DLGAP2: variants seen among roughly 807,000 people sequenced by gnomAD.
DLGAP2 encodes disks large-associated protein 2.
A neutral mutation model predicts 100.3 loss-of-function variants in DLGAP2; 26 were observed. That is an observed-to-expected ratio of 0.26 (90% confidence interval 0.19 to 0.36). DLGAP2 has a LOEUF of 0.36. DLGAP2 is among the 10% of genes least tolerant of loss of function. DLGAP2 has a pLI of 1.00. For missense variants in DLGAP2, 1,858 were observed against 1,453.2 expected (o/e 1.28, Z -4.53); for synonymous variants, 886 against 630.1 (o/e 1.41, Z -6.08).
At chr8:1,533,495 G>T (rs1801055177) in intron 4 of DLGAP2, among the ~76,000 whole-genome samples, 1 of 151,196 alleles carries the variant, frequency 6.6e-6, no homozygotes, top group African/African-American at 2.4e-5. Flanking sequence ...GAAAGAGTGA[G>T]ACTCTGTCTC....
chr8:1,054,453 C>T lies in DLGAP2; in HGVS notation c.73+146487C>T, dbSNP rs138392582. ...ACCAGTTACACTTCGGCTTTGTAGA[C>T]GTCTATCATTGTCAACATAAGTTTT... On this transcript the variant is annotated intron_variant, in intron 2 of 14. Coordinates refer to ENST00000637795, the MANE Select transcript of DLGAP2 (RefSeq NM_001346810.2). Among the ~76,000 whole-genome samples the T allele has an allele frequency of 7.0e-3, 1,069 of 152,264 alleles. 9 individuals carry two copies. The highest frequency in any genetic ancestry group is 0.024 in the African/African-American group (1,011 of 41,532).
chr8:1,004,795 C>T (rs1465845767), intron 2 of DLGAP2, among the ~76,000 whole-genome samples: 1 of 152,144 alleles, frequency 6.6e-6, no homozygotes, highest in Non-Finnish European at 1.5e-5. Flanking sequence ...TGGAGAGACC[C>T]CCGTGGCCCA....
chr8:1,328,359 C>T (rs1167639180), intron 3 of DLGAP2, among the ~76,000 whole-genome samples: 1 of 151,858 alleles, frequency 6.6e-6, no homozygotes, highest in African/African-American at 2.4e-5. Flanking sequence ...CACTGTGTCG[C>T]CCAGGCTGGA....
chr8:1,435,833 G>A (rs760336193), intron 3 of DLGAP2, among the ~76,000 whole-genome samples: 1 of 151,822 alleles, frequency 6.6e-6, no homozygotes, highest in African/African-American at 2.4e-5. Flanking sequence ...CGCAGGTAGA[G>A]GCTGATGTGT....
intron 3 of DLGAP2, among the ~76,000 whole-genome samples, chr8:1,385,855 C>G (rs1185381461): frequency 6.6e-6 from 1 of 152,108 alleles, no homozygotes; most frequent in Non-Finnish European, 1.5e-5. Flanking sequence ...CCCCTGAGAA[C>G]TTGGTGCACA....
In DLGAP2 at chr8:954,117, GCTCC is replaced by G. The variant is rs113829925; in HGVS notation, c.73+46153_73+46156del. Among the ~76,000 whole-genome samples, 188 of 152,120 alleles carry G rather than the reference GCTCC, an allele frequency of 1.2e-3. 2 individuals carry two copies. Among genetic ancestry groups the G allele is most frequent in the African/African-American group, 4.2e-3 (175 of 41,486 alleles). On this transcript the variant is annotated intron_variant, in intron 2 of 14. Coordinates refer to ENST00000637795, the MANE Select transcript of DLGAP2 (RefSeq NM_001346810.2). ...TTGAACCCCTGAAAGAGTGTCAGTG[GCTCC>G]CAGGAAAAGGTTGTCCACACTGCCT...
intron 6 of DLGAP2, among the ~76,000 whole-genome samples, chr8:1,578,620 C>T (rs1020979865): frequency 7.2e-5 from 11 of 152,278 alleles, no homozygotes; most frequent in African/African-American, 2.6e-4. Flanking sequence ...TGTTAAAAAC[C>T]ATCTTATCTT....
rs368308835 is a variant in DLGAP2 at position 1,006,184 on chromosome 8, A to G, written c.73+98218A>G. Among the ~76,000 whole-genome samples the G allele has an allele frequency of 7.9e-5, 12 of 152,288 alleles. No individual in the cohort carries two copies. In the East Asian group the frequency reaches 1.9e-3, roughly 25 times the overall value. ...AGCCTGGGCAACAGAGCGAGACACCATCTCAAAAAGAAAAGAAGAAATCTC... is the reference window on the plus strand; with the variant it reads ...AGCCTGGGCAACAGAGCGAGACACCGTCTCAAAAAGAAAAGAAGAAATCTC... On this transcript the variant is annotated intron_variant, in intron 2 of 14. Coordinates refer to ENST00000637795, the MANE Select transcript of DLGAP2 (RefSeq NM_001346810.2).
intron 2 of DLGAP2, among the ~76,000 whole-genome samples, chr8:1,247,336 G>A (rs1178944878): frequency 1.4e-5 from 2 of 143,744 alleles, no homozygotes; most frequent in Non-Finnish European, 3.0e-5. Context: ...GTCCACATCG[G>A]TGGCCAGCAA....
intron 13 of DLGAP2, among the ~76,000 whole-genome samples, chr8:1,691,891 C>T (rs1585069120): frequency 5.7e-5 from 1 of 17,538 alleles, no homozygotes; most frequent in African/African-American, 2.8e-4. Context: ...CTGGTTTAAA[C>T]GCGGTACCGA....
chr8:1,507,506 C>T (rs956293013), intron 4 of DLGAP2, among the ~76,000 whole-genome samples: 1 of 152,182 alleles, frequency 6.6e-6, no homozygotes, highest in African/African-American at 2.4e-5. Flanking sequence ...CCACACCTCT[C>T]CCTCCACGCC....
At chr8:827,962 G>A (rs990220894) in intron 1 of DLGAP2, among the ~76,000 whole-genome samples, 1 of 152,028 alleles carries the variant, frequency 6.6e-6, no homozygotes, top group Non-Finnish European at 1.5e-5. Context: ...GATCCGTGAT[G>A]CCCCACAAGC....
At chr8:1,513,931 C>T (rs1382926052) in intron 4 of DLGAP2, among the ~76,000 whole-genome samples, 1 of 152,218 alleles carries the variant, frequency 6.6e-6, no homozygotes, top group Admixed American at 6.5e-5. Context: ...TTTACTGAAA[C>T]CCTGCTGCCT....
intron 3 of DLGAP2, among the ~76,000 whole-genome samples, chr8:1,310,354 C>G (rs922965371): frequency 6.6e-6 from 1 of 152,122 alleles, no homozygotes. Context: ...AAATCAAAAA[C>G]AGAGTCCCAA....
chr8:1,486,855 C>G (rs1043556606), intron 3 of DLGAP2, among the ~76,000 whole-genome samples: 1 of 152,196 alleles, frequency 6.6e-6, no homozygotes, highest in Non-Finnish European at 1.5e-5. Context: ...TCAAGAAGCA[C>G]CAACAGATGG....
intron 2 of DLGAP2, among the ~76,000 whole-genome samples, chr8:925,210 A>G (rs770643589): frequency 2.6e-5 from 4 of 152,122 alleles, no homozygotes; most frequent in Non-Finnish European, 4.4e-5. Context: ...GGCTCAAGCT[A>G]TCCTCCCATC....
chr8:1,456,130 CAGG>C (rs1306402043), intron 3 of DLGAP2, among the ~76,000 whole-genome samples: 5 of 152,224 alleles, frequency 3.3e-5, no homozygotes, highest in African/African-American at 1.2e-4. Flanking sequence ...GCGTTGAACT[CAGG>C]AGTGAGTTCA....
intron 4 of DLGAP2, among the ~76,000 whole-genome samples, chr8:1,516,927 C>T (rs1004160378): frequency 3.3e-5 from 5 of 152,174 alleles, no homozygotes; most frequent in Non-Finnish European, 7.4e-5. Context: ...TTGCTTGAAA[C>T]AATAAAATAC....
At chr8:1,303,524 C>T (rs919962071) in intron 3 of DLGAP2, among the ~76,000 whole-genome samples, 17 of 152,098 alleles carry the variant, frequency 1.1e-4, no homozygotes, top group African/African-American at 4.1e-4. Flanking sequence ...CCCTGCTGGG[C>T]TGTGCGCTGC....
Sources: gnomAD v4.1 joint callset for allele counts (sites outside exome capture counted in the v4.1 genomes callset) on GRCh38, gnomAD v4.1.1 for gene constraint, MANE v1.5 for transcripts, NCBI Gene and HGNC (gene_info 2026-07-23, HGNC 2026-07-21) for gene names.